Variants in FOXRED1 observed in about 807,000 individuals in gnomAD.
FOXRED1 encodes the protein FAD dependent oxidoreductase domain containing 1.
Under a neutral mutation model 57.8 loss-of-function variants are expected in FOXRED1, and 52 were observed. The observed-to-expected ratio is 0.90, with a 90% CI of 0.72 to 1.13. FOXRED1 has a LOEUF of 1.13. Among genes scored for constraint, FOXRED1 ranks in the 50% most tolerant of loss-of-function variants. The pLI is 0.00. For missense variants in FOXRED1, 589 were observed against 625.2 expected, an observed-to-expected ratio of 0.94 and a Z score of 0.62; for synonymous variants, 271 against 248.3, an observed-to-expected ratio of 1.09 and a Z score of -0.86.
chr11:126,271,907 T>C lies in FOXRED1; in HGVS notation c.306+250T>C. The stretch of plus-strand genomic sequence containing the variant: ...CCATATTGGATTTTTCGAGATCTCA[T>C]AGCTCTGGTCATGAGAGCCTGCATT... On this transcript the variant is annotated intron_variant, in intron 2 of 10. Coordinates refer to ENST00000263578, the MANE Select transcript of FOXRED1 (RefSeq NM_017547.4). This position sits in a 1 kb window ranked among gnomAD's most constrained non-coding sequence, Gnocchi z 5.3. 4.1e-6 allele frequency: 2 copies of C among 487,818 alleles called. No individual in the cohort carries two copies. The highest frequency in any genetic ancestry group is 3.9e-5 in the East Asian group (1 of 25,408). 30.2% of individuals were successfully genotyped at this position (487,818 alleles called of 1,614,324 possible). A position where few individuals can be genotyped will look rare whatever the true frequency, so the allele number is the denominator to read the frequency against.
chr11:126,273,438 A>G lies in FOXRED1; in HGVS notation c.520A>G (p.Asn174Asp), dbSNP rs1310455303. ...AAAGGATGCTGCAGCCATGGAGAGC[A>G]ACGTGAAAGTGCAGAGGTGGGTGCC... ...SEKDAAAMES[N>D]VKVQRQEGAK... The change falls in exon 4 of 11, where the codon AAC becomes GAC. Residue 174 changes from asparagine to aspartate, a missense_variant. Transcript: ENST00000263578. The surrounding 1 kb of genome is among the most constrained non-coding windows in gnomAD (Gnocchi z 5.9). 1.9e-6 allele frequency: 3 copies of G among 1,613,056 alleles called. No individual in the cohort carries two copies. The highest frequency in any genetic ancestry group is 2.5e-6 in the Non-Finnish European group (3 of 1,179,230).
rs778727697 is a variant in FOXRED1 at position 126,273,388 on chromosome 11, C to T, written c.470C>T (p.Ser157Leu). ...APPLDLRFNP[S>L]GYLLLASEKD... ...CCCCTGGACCTCCGGTTCAACCCCT[C>T]GGGCTACCTCTTGCTGGCTTCAGAA... The change falls in exon 4 of 11, where the codon TCG (serine) becomes TTG (leucine). Residue 157 changes from serine to leucine, a missense_variant. Physicochemically the swap from Ser to Leu is moderately radical, Grantham distance 145. Coordinates refer to ENST00000263578, the MANE Select transcript of FOXRED1 (RefSeq NM_017547.4). The surrounding 1 kb of genome is among the most constrained non-coding windows in gnomAD (Gnocchi z 5.9). 1.0e-4 allele frequency: 169 copies of T among 1,614,026 alleles called. No homozygotes were observed. Among genetic ancestry groups the T allele is most frequent in the Non-Finnish European group, 5.7e-5 (67 of 1,180,016 alleles).
Position 126,276,227 on chromosome 11 carries a change from C to T in FOXRED1, c.971+8C>T, listed in dbSNP as rs753201206. On this transcript the variant is annotated splice_region_variant and intron_variant, in intron 8 of 10. Transcript: ENST00000263578. ...TGTGGAGCCGAGGAAAAGGTAACTG[C>T]CCTCCGGACAGCTGAGGAGGTTGGT... 1 of 1,341,884 alleles carries T rather than the reference C, an allele frequency of 7.5e-7. No homozygotes were observed. The highest frequency in any genetic ancestry group is 9.7e-7 in the Non-Finnish European group (1 of 1,033,682). 83.1% of individuals were successfully genotyped at this position (1,341,884 alleles called of 1,614,324 possible).
At chr11:126,276,586 A>T in intron 9 of FOXRED1, 63 bp downstream of exon 9, 1 of 1,569,670 alleles carries the variant, frequency 6.4e-7, no homozygotes, top group Non-Finnish European at 8.7e-7. Context: ...CGAAACAATC[A>T]GGCTTTTGGC....
Position 126,276,448 on chromosome 11 carries a change from T to G in FOXRED1, c.1026T>G (p.Val342=). ...PQGPGLETPL[V]ADTSGAYFRR... ...GACCAGGCCTAGAGACTCCGCTTGT[T>G]GCAGACACCAGTGGAGCCTATTTTC... is the stretch of plus-strand genomic sequence containing the variant. Residue 342 remains valine (V), a synonymous_variant, in exon 9 of 11, where the codon GTT becomes GTG. Coordinates refer to ENST00000263578, the MANE Select transcript of FOXRED1 (RefSeq NM_017547.4). 6.2e-7 allele frequency: 1 copy of G among 1,606,372 alleles called. No homozygotes were observed. The highest frequency in any genetic ancestry group is 2.2e-5 in the East Asian group (1 of 44,558).
Position 126,274,813 on chromosome 11 carries a change from G to C in FOXRED1, c.537-114G>C. ...AGGAAAAATAGGGGCATTTGGGGCA[G>C]AGAAGTGACATGACTGAGCTGGACT... On this transcript the variant is annotated intron_variant, in intron 4 of 10. Coordinates refer to ENST00000263578, the MANE Select transcript of FOXRED1 (RefSeq NM_017547.4). The surrounding 1 kb of genome is among the most constrained non-coding windows in gnomAD (Gnocchi z 4.8). 2.6e-6 allele frequency: 2 copies of C among 778,398 alleles called. No homozygotes were observed. Among genetic ancestry groups the C allele is most frequent in the South Asian group, 2.7e-5 (2 of 73,284 alleles). 48.2% of individuals were successfully genotyped at this position (778,398 alleles called of 1,614,324 possible). A position where few individuals can be genotyped will look rare whatever the true frequency, so the allele number is the denominator to read the frequency against.
At chr11:126,276,664 T>C (rs2135268402) in intron 9 of FOXRED1, 141 bp downstream of exon 9, 1 of 881,712 alleles carries the variant, frequency 1.1e-6, no homozygotes, top group Non-Finnish European at 1.8e-6. Context: ...TCACCTGAGG[T>C]TAGGAGTTTG....
chr11:126,277,386 A>C lies in FOXRED1; in HGVS notation c.1207-49A>C, dbSNP rs756318529. 6.2e-6 allele frequency: 10 copies of C among 1,608,656 alleles called. No homozygotes were observed. Among genetic ancestry groups the C allele is most frequent in the Non-Finnish European group, 7.6e-6 (9 of 1,176,472 alleles). On this transcript the variant is annotated intron_variant, in intron 10 of 10. Coordinates refer to ENST00000263578, the MANE Select transcript of FOXRED1 (RefSeq NM_017547.4). The surrounding 1 kb of genome is among the most constrained non-coding windows in gnomAD (Gnocchi z 6.8). ...TGAGCCCTGAGGGGAGTGAGGATGG[A>C]GTGTGGCTACAGCCTTCCCGAGAAC...
chr11:126,277,481 A>G lies in FOXRED1; in HGVS notation c.1253A>G (p.Gln418Arg), dbSNP rs780887049. 9 of 1,613,398 alleles carry G rather than the reference A, an allele frequency of 5.6e-6. No homozygotes were observed. Among genetic ancestry groups the G allele is most frequent in the African/African-American group, 1.3e-5 (1 of 74,926 alleles). Residue 418 changes from glutamine (Q) to arginine (R), a missense_variant, in exon 11 of 11, where the codon CAG (glutamine) becomes CGG (arginine). Physicochemically the swap from Gln to Arg is conservative, Grantham distance 43. Coordinates refer to ENST00000263578, the MANE Select transcript of FOXRED1 (RefSeq NM_017547.4). The surrounding 1 kb of genome is among the most constrained non-coding windows in gnomAD (Gnocchi z 6.8). ...TATTACGACTACAACACCTTTGACC[A>G]GAATGGCGTGGTGGGCCCCCACCCG... Reference protein sequence around the residue: ...AGYYDYNTFDQNGVVGPHPLV... With the variant: ...AGYYDYNTFDRNGVVGPHPLV...
In FOXRED1 at chr11:126,277,456, T is replaced by C. The variant is rs1951185115; in HGVS notation, c.1228T>C (p.Tyr410His). Residue 410 changes from tyrosine (Y) to histidine (H), a missense_variant, in exon 11 of 11, where the codon TAT becomes CAT. By Grantham distance (83) the Tyr-to-His change is moderately conservative. Transcript: ENST00000263578. The surrounding 1 kb of genome is among the most constrained non-coding windows in gnomAD (Gnocchi z 6.8). ...GCAGGTTCAGAGCGCCTGGGCCGGC[T>C]ATTACGACTACAACACCTTTGACCA... Reference protein sequence around the residue: ...TLKVQSAWAGYYDYNTFDQNG... With the variant: ...TLKVQSAWAGHYDYNTFDQNG... 14 of 1,613,264 alleles carry C rather than the reference T, an allele frequency of 8.7e-6. No homozygotes were observed. Among genetic ancestry groups the C allele is most frequent in the Non-Finnish European group, 1.2e-5 (14 of 1,180,000 alleles).
At position 126,273,515 on chromosome 11, in the gene FOXRED1, AC is replaced by A; in HGVS notation, c.536+63del. 1 of 1,103,706 alleles carries A rather than the reference AC, an allele frequency of 9.1e-7. No individual in the cohort carries two copies. The highest frequency in any genetic ancestry group is 1.4e-6 in the Non-Finnish European group (1 of 715,704). The allele number at this position is 1,103,706 out of a possible 1,614,324, so 68.4% of individuals were successfully genotyped here. On this transcript the variant is annotated intron_variant, in intron 4 of 10. Coordinates refer to ENST00000263578, the MANE Select transcript of FOXRED1 (RefSeq NM_017547.4). The surrounding 1 kb of genome is among the most constrained non-coding windows in gnomAD (Gnocchi z 5.9). ...GCCAAAGGTGTTGGGTGACTCCTGCACCAGGTTAGGAAGCGAGAAAGTGGAG... is the reference window on the plus strand; with the variant it reads ...GCCAAAGGTGTTGGGTGACTCCTGCACAGGTTAGGAAGCGAGAAAGTGGAG...
Position 126,277,523 on chromosome 11 carries a change from A to G in FOXRED1, c.1295A>G (p.Tyr432Cys). Reference protein sequence around the residue: ...VGPHPLVVNMYFATGFSGHGL... With the variant: ...VGPHPLVVNMCFATGFSGHGL... ...CCCCACCCGCTAGTTGTCAACATGT[A>G]CTTTGCTACTGGCTTCAGTGGTCAC... Residue 432 changes from tyrosine (Y) to cysteine (C), a missense_variant, in exon 11 of 11, where the codon TAC becomes TGC. Transcript: ENST00000263578. This position sits in a 1 kb window ranked among gnomAD's most constrained non-coding sequence, Gnocchi z 6.8. 6.2e-7 allele frequency: 1 copy of G among 1,613,724 alleles called. No individual in the cohort carries two copies. The highest frequency in any genetic ancestry group is 8.5e-7 in the Non-Finnish European group (1 of 1,180,004).
chr11:126,272,182 G>A lies in FOXRED1; in HGVS notation c.306+525G>A, dbSNP rs1460953932. Among the ~76,000 whole-genome samples, 5 of 152,096 alleles carry A rather than the reference G, an allele frequency of 3.3e-5. No individual in the cohort carries two copies. The highest frequency in any genetic ancestry group is 4.8e-5 in the African/African-American group (2 of 41,422). ...TCACCATGTTGCCTAGGCTGGTCTTGAACTCCGAACCTCAAGTGATCTGCC... is the reference window on the plus strand; with the variant it reads ...TCACCATGTTGCCTAGGCTGGTCTTAAACTCCGAACCTCAAGTGATCTGCC... On this transcript the variant is annotated intron_variant, in intron 2 of 10. Coordinates refer to ENST00000263578, the MANE Select transcript of FOXRED1 (RefSeq NM_017547.4). The surrounding 1 kb of genome is among the most constrained non-coding windows in gnomAD (Gnocchi z 4.6).
In FOXRED1 at chr11:126,274,974, A is replaced by T. The variant is rs751173715; in HGVS notation, c.584A>T (p.Asn195Ile). ...VSLMSPDQLR[N>I]KFPWINTEGV... ...CTGATGTCTCCTGATCAGCTTCGGA[A>T]CAAGTTTCCCTGGATAAACACAGAG... The change falls in exon 5 of 11, where the codon AAC becomes ATC. Residue 195 changes from asparagine to isoleucine, a missense_variant. Transcript: ENST00000263578. The surrounding 1 kb of genome is among the most constrained non-coding windows in gnomAD (Gnocchi z 4.8). The T allele has an allele frequency of 6.2e-7, 1 of 1,613,888 alleles. No individual in the cohort carries two copies. Among genetic ancestry groups the T allele is most frequent in the Non-Finnish European group, 8.5e-7 (1 of 1,179,798 alleles).
rs1356056370 is a variant in FOXRED1 at position 126,273,466 on chromosome 11, G to A, written c.536+12G>A. ...GTGAAAGTGCAGAGGTGGGTGCCTG[G>A]CACAGCCTCTTAGCTGCTTGGCAGC... On this transcript the variant is annotated intron_variant, in intron 4 of 10. Transcript: ENST00000263578. The surrounding 1 kb of genome is among the most constrained non-coding windows in gnomAD (Gnocchi z 5.9). 21 of 1,565,394 alleles carry A rather than the reference G, an allele frequency of 1.3e-5. No individual in the cohort carries two copies. The highest frequency in any genetic ancestry group is 1.8e-5 in the Non-Finnish European group (20 of 1,136,164).
Position 126,273,164 on chromosome 11 carries a change from A to G in FOXRED1, c.417+85A>G, listed in dbSNP as rs1951037655. 3.0e-6 allele frequency: 3 copies of G among 1,002,116 alleles called. No individual in the cohort carries two copies. The Admixed American group carries it at 5.1e-5, about 17-fold the overall frequency. The allele number at this position is 1,002,116 out of a possible 1,614,324, so 62.1% of individuals were successfully genotyped here. A position where few individuals can be genotyped will look rare whatever the true frequency, so the allele number is the denominator to read the frequency against. On this transcript the variant is annotated intron_variant, in intron 3 of 10. Coordinates refer to ENST00000263578, the MANE Select transcript of FOXRED1 (RefSeq NM_017547.4). This position sits in a 1 kb window ranked among gnomAD's most constrained non-coding sequence, Gnocchi z 5.9. ...GAGCAGCCCAGCTAGCAAGGTAGCC[A>G]GAGAGCAAGAATGGGTCAGCCAACT...
Position 126,269,530 on chromosome 11 carries a change from T to C in FOXRED1, c.85+239T>C, listed in dbSNP as rs540583652. 1.3e-4 allele frequency: 90 copies of C among 717,750 alleles called. No individual in the cohort carries two copies. The African/African-American group carries it at 1.4e-3, about 11-fold the overall frequency. 44.5% of individuals were successfully genotyped at this position (717,750 alleles called of 1,614,324 possible). ...CCATTTAAGCTTACAGTCAGACTGA[T>C]TGATAATCGGTGGCACAGATGTGCA... On this transcript the variant is annotated intron_variant, in intron 1 of 10. Transcript: ENST00000263578.
Position 126,273,282 on chromosome 11 carries a change from CTCTT to C in FOXRED1, c.418-50_418-47del. ...GCTGTGGGGGAAGAAGGCAGGAAAA[CTCTT>C]TCTGGCATCCTTAAGTCAGTTTCTT... is the stretch of plus-strand genomic sequence containing the variant. On this transcript the variant is annotated intron_variant, in intron 3 of 10. Coordinates refer to ENST00000263578, the MANE Select transcript of FOXRED1 (RefSeq NM_017547.4). This position sits in a 1 kb window ranked among gnomAD's most constrained non-coding sequence, Gnocchi z 5.9. The C allele has an allele frequency of 7.2e-7, 1 of 1,387,652 alleles. No individual in the cohort carries two copies. Among genetic ancestry groups the C allele is most frequent in the Non-Finnish European group, 1.0e-6 (1 of 973,514 alleles). The allele number at this position is 1,387,652 out of a possible 1,614,324, so 86.0% of individuals were successfully genotyped here.
rs755778634 is a variant in FOXRED1, at chr11:126,277,576, C to G, written c.1348C>G (p.Arg450Gly). The G allele has an allele frequency of 6.2e-7, 1 of 1,613,780 alleles. No homozygotes were observed. Among genetic ancestry groups the G allele is most frequent in the Non-Finnish European group, 8.5e-7 (1 of 1,179,996 alleles). The change falls in exon 11 of 11, where the codon CGA becomes GGA. Residue 450 changes from arginine to glycine, a missense_variant. Physicochemically the swap from Arg to Gly is moderately radical, Grantham distance 125 (BLOSUM62 -2). Transcript: ENST00000263578. This position sits in a 1 kb window ranked among gnomAD's most constrained non-coding sequence, Gnocchi z 6.8. Reference protein sequence around the residue: ...HGLQQAPGIGRAVAEMVLKGR... With the variant: ...HGLQQAPGIGGAVAEMVLKGR... Reference sequence around the variant, plus strand: ...GCTCCAGCAGGCCCCTGGCATTGGGCGAGCTGTAGCAGAGATGGTACTGAA... The same window carrying G: ...GCTCCAGCAGGCCCCTGGCATTGGGGGAGCTGTAGCAGAGATGGTACTGAA...
Sources: allele counts gnomAD v4.1 joint callset (sites outside exome capture counted in the v4.1 genomes callset), GRCh38; gene constraint gnomAD v4.1.1; non-coding constraint Gnocchi (gnomAD v3.1); transcripts MANE v1.5; gene names NCBI Gene and HGNC (gene_info 2026-07-23, HGNC 2026-07-21).